Variants in NID1 observed in about 807,000 individuals in gnomAD.
NID1 encodes nidogen-1.
Under a neutral mutation model 130.6 loss-of-function variants are expected in NID1, and 76 were observed. That is an observed-to-expected ratio of 0.58 (90% CI 0.48 to 0.70). The LOEUF is 0.70. Ranked by LOEUF, NID1 falls within the 30% of genes least tolerant of loss-of-function variation. The pLI, the probability that NID1 is intolerant of heterozygous loss-of-function variation, is 0.00. For synonymous variants in NID1, 665 were observed against 675.1 expected (o/e 0.98, Z 0.23); for missense variants, 1,517 against 1,664.8 (o/e 0.91, Z 1.54).
rs1659581747 is a variant in NID1 at position 236,045,699 on chromosome 1, A to G, written c.526-16T>C. 1 of 1,583,902 alleles carries G rather than the reference A, an allele frequency of 6.3e-7. No homozygotes were observed. Among genetic ancestry groups the G allele is most frequent in the Non-Finnish European group, 8.6e-7 (1 of 1,158,490 alleles). On this transcript the variant is annotated splice_polypyrimidine_tract_variant and intron_variant, in intron 2 of 19. Transcript: ENST00000264187. ...ACGTGTTTCTCTGTGAAGATGAGTT[A>G]AAATTCAGTTACTCGGAAAAATATC...
intron 1 of NID1, among the ~76,000 whole-genome samples, chr1:236,057,621 T>A (rs1000610724): frequency 2.0e-5 from 3 of 150,614 alleles, no homozygotes; most frequent in African/African-American, 7.3e-5. Flanking sequence ...TCCCAGCTAC[T>A]CAGGAGGCTG....
chr1:236,043,597 G>C lies in NID1; in HGVS notation c.753-1305C>G, dbSNP rs536007065. On this transcript the variant is annotated intron_variant, in intron 3 of 19. Transcript: ENST00000264187. The stretch of plus-strand genomic sequence containing the variant: ...GCAGATCATGAGGTCAGGAGATCGA[G>C]ACCATCCTGGCTAACATGGTGAAAC... Among the ~76,000 whole-genome samples the C allele has an allele frequency of 1.1e-4, 16 of 152,206 alleles. No homozygotes were observed. In the East Asian group the frequency reaches 2.9e-3, roughly 28 times the overall value.
At chr1:236,055,305 A>AT (rs1659867546) in intron 1 of NID1, among the ~76,000 whole-genome samples, 5 of 151,898 alleles carry the variant, frequency 3.3e-5, no homozygotes, top group East Asian at 1.9e-4. Context: ...CTCCATCTCA[A>AT]AAATAATAAT....
At chr1:236,063,726 G>T (rs1660109968) in intron 1 of NID1, among the ~76,000 whole-genome samples, 2 of 152,180 alleles carry the variant, frequency 1.3e-5, no homozygotes, top group South Asian at 4.1e-4. Flanking sequence ...GTTGGAGGCT[G>T]CAGTGACCCA....
At chr1:235,982,626 C>T (rs896118812) in intron 15 of NID1, among the ~76,000 whole-genome samples, 1 of 152,188 alleles carries the variant, frequency 6.6e-6, no homozygotes, top group Non-Finnish European at 1.5e-5. Flanking sequence ...CATGAACCTT[C>T]ACTGCAAACC....
intron 4 of NID1, 48 bp downstream of exon 4, chr1:236,041,862 A>G: frequency 6.4e-7 from 1 of 1,558,708 alleles, no homozygotes; most frequent in Non-Finnish European, 8.7e-7. Flanking sequence ...CCTGTCTGGA[A>G]GCCCACACAT....
At chr1:235,989,145 C>A (rs1356966719) in intron 14 of NID1, among the ~76,000 whole-genome samples, 1 of 150,128 alleles carries the variant, frequency 6.7e-6, no homozygotes, top group Non-Finnish European at 1.5e-5. Context: ...CAACCTCTGC[C>A]TCCCAGGTTC....
At position 235,992,945 on chromosome 1, in the gene NID1, C is replaced by T. The variant is rs191013214; in HGVS notation, c.2755+700G>A. ...GAATTTTAGAGCTGGGAATCACTCT[C>T]GGGGTTATTTTGCCTCATGTTTAGG... On this transcript the variant is annotated intron_variant, in intron 13 of 19. Coordinates refer to ENST00000264187, the MANE Select transcript of NID1 (RefSeq NM_002508.3). Among the ~76,000 whole-genome samples, 16 of 152,296 alleles carry T rather than the reference C, an allele frequency of 1.1e-4. No individual in the cohort carries two copies. The East Asian group carries it at 2.1e-3, about 20-fold the overall frequency.
At chr1:236,026,177 GA>G in intron 7 of NID1, 36 bp from the exon 8 acceptor site, 1 of 1,607,038 alleles carries the variant, frequency 6.2e-7, no homozygotes. Flanking sequence ...ACAAGGCAGG[GA>G]GACAGAGGGA....
intron 2 of NID1, among the ~76,000 whole-genome samples, chr1:236,046,301 C>T (rs57815979): frequency 0.025 from 3,800 of 152,236 alleles, 160 homozygotes; most frequent in African/African-American, 0.086. Context: ...AGGCACATGC[C>T]GGGCGCGGTG....
chr1:236,046,985 C>A (rs1659621383), intron 2 of NID1, among the ~76,000 whole-genome samples: 1 of 152,206 alleles, frequency 6.6e-6, no homozygotes, highest in Non-Finnish European at 1.5e-5. Flanking sequence ...GTGGCTCACG[C>A]CCTTAGTCCC....
Position 236,049,004 on chromosome 1 carries a change from G to A in NID1, c.226-15C>T, listed in dbSNP as rs758790566. 1.2e-6 allele frequency: 2 copies of A among 1,607,530 alleles called. No homozygotes were observed. The highest frequency in any genetic ancestry group is 4.5e-5 in the East Asian group (2 of 44,886). ...TTTGTGGTGACCTGTACAAAACCAA[G>A]TGTGGTTAAAAGGAATGCAGAAACG... On this transcript the variant is annotated splice_polypyrimidine_tract_variant and intron_variant, in intron 1 of 19. Coordinates refer to ENST00000264187, the MANE Select transcript of NID1 (RefSeq NM_002508.3).
At position 236,048,738 on chromosome 1, in the gene NID1, G is replaced by A. The variant is rs6665008; in HGVS notation, c.477C>T (p.Ser159=). Residue 159 remains serine (S), a synonymous_variant, in exon 2 of 20, where the codon TCC becomes TCT. Transcript: ENST00000264187. The part of the protein sequence containing the change: ...PSSAVVVTWE[S]VAPYQGPSRD... ...TGCTGGGCCCTTGGTAGGGGGCCAC[G>A]GATTCCCAAGTGACAACCACCGCGC... 145,799 of 1,612,618 alleles carry A rather than the reference G, an allele frequency of 0.09. 7,419 individuals carry two copies. The highest frequency in any genetic ancestry group is 0.14 in the Middle Eastern group (719 of 5,006).
rs1484954900 is a variant in NID1, at chr1:236,029,547, C to A, written c.1738+3G>T. 7 of 1,554,686 alleles carry A rather than the reference C, an allele frequency of 4.5e-6. No individual in the cohort carries two copies. The South Asian group carries it at 8.3e-5, about 18-fold the overall frequency. ...CTGGCCCTGGGACACAGCTGGGGCTCACCTGAGGTGGAGTAGTGGTACAGC... is the reference window on the plus strand; with the variant it reads ...CTGGCCCTGGGACACAGCTGGGGCTAACCTGAGGTGGAGTAGTGGTACAGC... On this transcript the variant is annotated splice_donor_region_variant and intron_variant, in intron 7 of 19. Coordinates refer to ENST00000264187, the MANE Select transcript of NID1 (RefSeq NM_002508.3).
intron 5 of NID1, among the ~76,000 whole-genome samples, chr1:236,037,517 G>A (rs757654031): frequency 3.3e-5 from 5 of 152,102 alleles, no homozygotes; most frequent in Admixed American, 2.6e-4. Flanking sequence ...AATTAGCTGG[G>A]TTTGGTGGCG....
At chr1:235,997,060 C>A (rs1012035475) in intron 12 of NID1, among the ~76,000 whole-genome samples, 1 of 152,230 alleles carries the variant, frequency 6.6e-6, no homozygotes, top group East Asian at 1.9e-4. Context: ...TCTTGAACTC[C>A]TGACTTCAGG....
intron 5 of NID1, among the ~76,000 whole-genome samples, chr1:236,035,134 C>G (rs1659217100): frequency 9.7e-6 from 1 of 103,032 alleles, no homozygotes; most frequent in African/African-American, 4.0e-5. Flanking sequence ...CCAGTGCTAT[C>G]CCTCCCCCCT....
chr1:236,038,479 C>T (rs1233287506), intron 4 of NID1, among the ~76,000 whole-genome samples: 1 of 151,924 alleles, frequency 6.6e-6, no homozygotes, highest in Non-Finnish European at 1.5e-5. Context: ...GCAAACAGGT[C>T]TAAAAGGAGT....
At chr1:236,048,495 G>A (rs775581588) in intron 2 of NID1, among the ~76,000 whole-genome samples, 195 bp downstream of exon 2, 1 of 152,050 alleles carries the variant, frequency 6.6e-6, no homozygotes, top group Non-Finnish European at 1.5e-5. Context: ...TCATTAAAAC[G>A]TAGAGTTATA....
Sources: gnomAD v4.1 joint callset for allele counts (sites outside exome capture counted in the v4.1 genomes callset) on GRCh38, gnomAD v4.1.1 for gene constraint, MANE v1.5 for transcripts, NCBI Gene and HGNC (gene_info 2026-07-23, HGNC 2026-07-21) for gene names.